SLC9A9: variants seen among roughly 807,000 people sequenced by gnomAD.
SLC9A9 encodes the protein sodium/hydrogen exchanger 9.
In SLC9A9, 62 loss-of-function variants were observed where a neutral mutation model predicts 77.8. The ratio of observed to expected loss-of-function variants is 0.80; its 90% CI spans 0.65 to 0.98. The LOEUF is 0.98. Among genes scored for constraint, SLC9A9 ranks in the 50% least tolerant of loss-of-function variants. SLC9A9 has a pLI of 0.00. For missense variants in SLC9A9, 775 were observed against 774.9 expected, an observed-to-expected ratio of 1.00 and a Z score of 0.00; for synonymous variants, 320 against 283.5, an observed-to-expected ratio of 1.13 and a Z score of -1.29.
At chr3:143,291,356 T>C (rs2029957181) in intron 14 of SLC9A9, among the ~76,000 whole-genome samples, 1 of 152,198 alleles carries the variant, frequency 6.6e-6, no homozygotes, top group Non-Finnish European at 1.5e-5. Context: ...TCCTGCTGAC[T>C]AAAACCTTTC....
intron 14 of SLC9A9, among the ~76,000 whole-genome samples, chr3:143,305,431 G>A: frequency 6.6e-6 from 1 of 152,210 alleles, no homozygotes; most frequent in East Asian, 1.9e-4. Context: ...AGAAGGAAAT[G>A]TCCCAGAGTC....
rs11920194 is a variant in SLC9A9 at position 143,663,643 on chromosome 3, C to A, written c.650-11283G>T. On this transcript the variant is annotated intron_variant, in intron 5 of 15. Coordinates refer to ENST00000316549, the MANE Select transcript of SLC9A9 (RefSeq NM_173653.4). ...TTAAATGACCTGGTGGAGCTGCAAA[C>A]CATGGCCCAAGAACTACGTGACGCA... Among the ~76,000 whole-genome samples the A allele has an allele frequency of 1.7e-3, 254 of 152,238 alleles. 1 individual carries two copies. The highest frequency in any genetic ancestry group is 5.9e-3 in the African/African-American group (244 of 41,534).
chr3:143,617,509 C>T (rs1194224466), intron 6 of SLC9A9, among the ~76,000 whole-genome samples: 2 of 152,218 alleles, frequency 1.3e-5, no homozygotes, highest in African/African-American at 4.8e-5. Context: ...ATTTAGTCTG[C>T]TCATTGTCTT....
At chr3:143,584,154 C>A (rs1031775064) in intron 6 of SLC9A9, among the ~76,000 whole-genome samples, 1 of 152,064 alleles carries the variant, frequency 6.6e-6, no homozygotes, top group Non-Finnish European at 1.5e-5. Context: ...TGTGGCCTTA[C>A]GGAGTCATCT....
chr3:143,689,488 T>G (rs1933387684), intron 5 of SLC9A9, among the ~76,000 whole-genome samples: 1 of 152,178 alleles, frequency 6.6e-6, no homozygotes, highest in African/African-American at 2.4e-5. Context: ...AGCCTCAGCC[T>G]TCTGGGCTCA....
intron 14 of SLC9A9, among the ~76,000 whole-genome samples, chr3:143,319,817 T>C (rs13067348): frequency 0.55 from 83,183 of 152,094 alleles, 24,232 homozygotes; most frequent in African/African-American, 0.75. Flanking sequence ...TGCAAGCTTA[T>C]CTGGGCAAAA....
intron 13 of SLC9A9, among the ~76,000 whole-genome samples, chr3:143,365,741 C>T (rs2032884147): frequency 6.6e-6 from 1 of 152,206 alleles, no homozygotes; most frequent in African/African-American, 2.4e-5. Flanking sequence ...TCTACCCCAG[C>T]AAAGGTATCA....
intron 4 of SLC9A9, among the ~76,000 whole-genome samples, chr3:143,737,542 G>C (rs999521016): frequency 6.6e-6 from 1 of 151,590 alleles, no homozygotes; most frequent in South Asian, 2.1e-4. Flanking sequence ...AGACTGTCCT[G>C]ATAATACGTG....
intron 9 of SLC9A9, among the ~76,000 whole-genome samples, chr3:143,505,868 A>G (rs2036006532): frequency 6.6e-6 from 1 of 152,172 alleles, no homozygotes; most frequent in Non-Finnish European, 1.5e-5. Context: ...TGAAACCCTC[A>G]AGCTTATAAC....
chr3:143,732,074 G>A (rs928243950), intron 4 of SLC9A9, among the ~76,000 whole-genome samples: 4 of 152,190 alleles, frequency 2.6e-5, no homozygotes, highest in Admixed American at 6.5e-5. Flanking sequence ...ATCTGCTCCA[G>A]GAACCCTGTG....
At chr3:143,823,714 G>C (rs1471741267) in intron 2 of SLC9A9, among the ~76,000 whole-genome samples, 1 of 151,260 alleles carries the variant, frequency 6.6e-6, no homozygotes, top group East Asian at 1.9e-4. Flanking sequence ...TCAGAAAAGA[G>C]TGGAATTTTT....
Position 143,422,900 on chromosome 3 carries a change from T to G in SLC9A9, c.1470-40786A>C, listed in dbSNP as rs555771384. Among the ~76,000 whole-genome samples the G allele has an allele frequency of 4.6e-5, 7 of 152,288 alleles. No homozygotes were observed. The South Asian group carries it at 1.5e-3, about 32-fold the overall frequency. ...TATTATTGTCACAGCTATTTACAGA[T>G]GAAAAATGGCAAATCCAGAGTAGTT... On this transcript the variant is annotated intron_variant, in intron 12 of 15. Coordinates refer to ENST00000316549, the MANE Select transcript of SLC9A9 (RefSeq NM_173653.4).
chr3:143,683,647 C>G (rs1052572255), intron 5 of SLC9A9, among the ~76,000 whole-genome samples: 3 of 152,040 alleles, frequency 2.0e-5, no homozygotes, highest in African/African-American at 7.2e-5. Flanking sequence ...GAACCATGTC[C>G]TTCATCTTAG....
intron 1 of SLC9A9, among the ~76,000 whole-genome samples, chr3:143,838,285 G>A (rs551147487): frequency 2.0e-5 from 3 of 152,306 alleles, no homozygotes; most frequent in South Asian, 2.1e-4. Flanking sequence ...TGTTGTTTTA[G>A]GGAGAGGTAT....
At chr3:143,285,769 C>T (rs1042193814) in intron 14 of SLC9A9, among the ~76,000 whole-genome samples, 51 of 152,102 alleles carry the variant, frequency 3.4e-4, no homozygotes, top group Admixed American at 4.6e-4. Flanking sequence ...TTTTCTATGG[C>T]GGGGAGGGGT....
intron 8 of SLC9A9, among the ~76,000 whole-genome samples, chr3:143,566,463 C>T (rs2037170979): frequency 7.2e-5 from 11 of 152,094 alleles, no homozygotes; most frequent in Admixed American, 7.2e-4. Context: ...TTTAACTTCC[C>T]ACACTTTCAT....
intron 4 of SLC9A9, among the ~76,000 whole-genome samples, chr3:143,750,457 G>C (rs2006666130): frequency 6.6e-6 from 1 of 152,100 alleles, no homozygotes; most frequent in Admixed American, 6.5e-5. Flanking sequence ...GCTAAAAACA[G>C]GAACCTAATT....
At position 143,688,344 on chromosome 3, in the gene SLC9A9, A is replaced by G. The variant is rs1388829091; in HGVS notation, c.649+4848T>C. Among the ~76,000 whole-genome samples, 7 of 152,116 alleles carry G rather than the reference A, an allele frequency of 4.6e-5. No homozygotes were observed. The East Asian group carries it at 1.2e-3, about 25-fold the overall frequency. ...GCCACGGAAGGAGCAGCACTTGACT[A>G]CAACTCAGTTGTGTTTAGAGCTAGC... On this transcript the variant is annotated intron_variant, in intron 5 of 15. Transcript: ENST00000316549.
intron 12 of SLC9A9, among the ~76,000 whole-genome samples, chr3:143,451,486 C>G (rs892578406): frequency 6.6e-6 from 1 of 152,084 alleles, no homozygotes; most frequent in African/African-American, 2.4e-5. Flanking sequence ...ATGTTTAAAA[C>G]ACATACTAGT....
Sources: allele counts gnomAD v4.1 joint callset (sites outside exome capture counted in the v4.1 genomes callset), GRCh38; gene constraint gnomAD v4.1.1; transcripts MANE v1.5; gene names NCBI Gene and HGNC (gene_info 2026-07-23, HGNC 2026-07-21).